FDXR: variants seen among roughly 807,000 people sequenced by gnomAD.
FDXR encodes the protein ferredoxin reductase.
Under a neutral mutation model 58.3 loss-of-function variants are expected in FDXR, and 38 were observed. That is an observed-to-expected ratio of 0.65 (90% CI 0.50 to 0.85). The LOEUF (loss-of-function observed/expected upper bound fraction) is 0.85, where lower values mean the gene tolerates loss of function less well. FDXR is among the 40% of genes least tolerant of loss of function. The pLI, the probability that FDXR is intolerant of heterozygous loss-of-function variation, is 0.00. For synonymous variants in FDXR, 275 were observed against 273.8 expected (o/e 1.00, Z -0.04); for missense variants, 624 against 671.0 (o/e 0.93, Z 0.77).
intron 1 of FDXR, 144 bp downstream of exon 1, chr17:74,872,722 T>G: frequency 6.6e-7 from 1 of 1,510,468 alleles, no homozygotes; most frequent in East Asian, 2.5e-5. Flanking sequence ...CCCACCCCCG[T>G]ACACCACCGG....
In FDXR at chr17:74,864,558, G is replaced by C. The variant is rs757375278; in HGVS notation, c.724C>G (p.Arg242Gly). 1.2e-6 allele frequency: 2 copies of C among 1,613,698 alleles called. No individual in the cohort carries two copies. Among genetic ancestry groups the C allele is most frequent in the Non-Finnish European group, 1.7e-6 (2 of 1,179,732 alleles). ...LQVAFTIKEL[R>G]EMIQLPGARP... Reference sequence around the variant, plus strand: ...GCTCCCGGTAACTGAATCATCTCCCGAAGCTCCTTGAAGGTGGGAGCAGGG... The same window carrying C: ...GCTCCCGGTAACTGAATCATCTCCCCAAGCTCCTTGAAGGTGGGAGCAGGG... The change falls in exon 8 of 12, where the codon CGG becomes GGG. Residue 242 changes from arginine to glycine, a missense_variant. Physicochemically the swap from Arg to Gly is moderately radical, Grantham distance 125 (BLOSUM62 -2). Coordinates refer to ENST00000293195, the MANE Select transcript of FDXR (RefSeq NM_024417.5).
chr17:74,862,882 C>A lies in FDXR; in HGVS notation c.1411G>T (p.Gly471Cys). 6.2e-7 allele frequency: 1 copy of A among 1,613,244 alleles called. No individual in the cohort carries two copies. Among genetic ancestry groups the A allele is most frequent in the African/African-American group, 1.3e-5 (1 of 75,056 alleles). ...AGCTTCTCCCTGGGCTTCCCCGTGC[C>A]CTGGCCCCGGGCCACCTCCTCGGCA... ...LDAEEVARGQGTGKPREKLVD... is the reference protein window; with the variant it reads ...LDAEEVARGQCTGKPREKLVD... Residue 471 changes from glycine (G) to cysteine (C), a missense_variant, in exon 12 of 12, where the codon GGC becomes TGC. Coordinates refer to ENST00000293195, the MANE Select transcript of FDXR (RefSeq NM_024417.5).
Position 74,872,969 on chromosome 17 carries a change from G to C in FDXR, c.-25C>G, listed in dbSNP as rs1411731804. 1.3e-6 allele frequency: 2 copies of C among 1,546,470 alleles called. No individual in the cohort carries two copies. Among genetic ancestry groups the C allele is most frequent in the Non-Finnish European group, 1.7e-6 (2 of 1,145,134 alleles). ...TGGCTGGGAGCAGCAACCTGCAAGT[G>C]GATCTGTTCCTAGCTACTGCTCCGC... On this transcript the variant is annotated 5_prime_UTR_variant, in exon 1 of 12. Coordinates refer to ENST00000293195, the MANE Select transcript of FDXR (RefSeq NM_024417.5).
rs34312916 is a variant in FDXR at position 74,872,408 on chromosome 17, C to T, written c.80-275G>A. 2,267 of 804,826 alleles carry T rather than the reference C, an allele frequency of 2.8e-3. 38 individuals carry two copies. In the African/African-American group the frequency reaches 0.034, roughly 12 times the overall value. 49.9% of individuals were successfully genotyped at this position (804,826 alleles called of 1,614,324 possible). A position where few individuals can be genotyped will look rare whatever the true frequency, so the allele number is the denominator to read the frequency against. ...AACAACACTTCATTCCCTATCCAATCGGCTAGAATCCCACATCCTTCCAAC... is the reference window on the plus strand; with the variant it reads ...AACAACACTTCATTCCCTATCCAATTGGCTAGAATCCCACATCCTTCCAAC... On this transcript the variant is annotated intron_variant, in intron 1 of 11. Transcript: ENST00000293195.
At chr17:74,872,782 T>C in intron 1 of FDXR, 84 bp downstream of exon 1, 1 of 1,537,632 alleles carries the variant, frequency 6.5e-7, no homozygotes. Flanking sequence ...TCTCCAGCCC[T>C]GCCCCAGCTC....
chr17:74,866,701 G>C, intron 3 of FDXR, 83 bp downstream of exon 3: 3 of 1,585,810 alleles, frequency 1.9e-6, no homozygotes, highest in Non-Finnish European at 2.6e-6. Flanking sequence ...ATGAAGTCCT[G>C]TCATCCAGCC....
rs772464423 is a variant in FDXR, at chr17:74,862,847, A to T, written c.1446T>A (p.Pro482=). ...GGCCCAGGAGGCGCAGCATCTCCTG[A>T]GGATCCACCAGCTTCTCCCTGGGCT... ...TGKPREKLVD[P]QEMLRLLGH is the part of the protein sequence containing the mutation. The change falls in exon 12 of 12, where the codon CCT becomes CCA. Residue 482 remains proline, a synonymous_variant. Coordinates refer to ENST00000293195, the MANE Select transcript of FDXR (RefSeq NM_024417.5). 1.2e-6 allele frequency: 2 copies of T among 1,612,658 alleles called. No homozygotes were observed. The highest frequency in any genetic ancestry group is 1.7e-6 in the Non-Finnish European group (2 of 1,179,960).
At position 74,863,056 on chromosome 17, in the gene FDXR, C is replaced by T. The variant is rs755999451; in HGVS notation, c.1345+20G>A. On this transcript the variant is annotated intron_variant, in intron 11 of 11. Coordinates refer to ENST00000293195, the MANE Select transcript of FDXR (RefSeq NM_024417.5). Reference sequence around the variant, plus strand: ...GACCACCCACCCCACCTCCCAGGACCTCAGCATCGGGGCCCAGACCTCGGC... The same window carrying T: ...GACCACCCACCCCACCTCCCAGGACTTCAGCATCGGGGCCCAGACCTCGGC... 4 of 1,608,006 alleles carry T rather than the reference C, an allele frequency of 2.5e-6. No individual in the cohort carries two copies. In the South Asian group the frequency reaches 4.4e-5, roughly 18 times the overall value.
intron 2 of FDXR, among the ~76,000 whole-genome samples, chr17:74,870,965 G>T (rs2144681737): frequency 6.6e-6 from 1 of 152,062 alleles, no homozygotes; most frequent in Middle Eastern, 3.4e-3. Flanking sequence ...ACCACACGTG[G>T]CTGATTTTTC....
chr17:74,866,548 G>A lies in FDXR; in HGVS notation c.291C>T (p.Thr97=), dbSNP rs1033305060. ...CACAGCGGCCAGAATGGGCCGTCTG[G>A]GTAAATGTGTTGATGACATTCTGCC... ...PEVKNVINTF[T]QTAHSGRCAF... Residue 97 remains threonine, a synonymous_variant, in exon 4 of 12, where the codon ACC becomes ACT. Transcript: ENST00000293195. The A allele has an allele frequency of 6.2e-7, 1 of 1,613,588 alleles. No individual in the cohort carries two copies. The highest frequency in any genetic ancestry group is 1.3e-5 in the African/African-American group (1 of 75,052).
chr17:74,872,098 G>T lies in FDXR; in HGVS notation c.115C>A (p.Pro39Thr). The T allele has an allele frequency of 6.2e-7, 1 of 1,607,698 alleles. No individual in the cohort carries two copies. Among genetic ancestry groups the T allele is most frequent in the Non-Finnish European group, 8.5e-7 (1 of 1,176,726 alleles). Residue 39 changes from proline to threonine, a missense_variant, in exon 2 of 12, where the codon CCC becomes ACC. Physicochemically the swap from Pro to Thr is conservative, Grantham distance 38 (BLOSUM62 -1). Coordinates refer to ENST00000293195, the MANE Select transcript of FDXR (RefSeq NM_024417.5). The stretch of plus-strand genomic sequence containing the variant: ...CCACTGCCCACCACACAGATCTGGG[G>T]GGTCTTCTCCTGTGTGGAGAAATGG... Reference protein sequence around the residue: ...CHHFSTQEKTPQICVVGSGPA... With the variant: ...CHHFSTQEKTTQICVVGSGPA...
rs149831556 is a variant in FDXR, at chr17:74,866,114, G to A, written c.507+17C>T. 2.9e-3 allele frequency: 4,606 copies of A among 1,571,064 alleles called. 51 individuals carry two copies. Among genetic ancestry groups the A allele is most frequent in the South Asian group, 0.02 (1,802 of 89,904 alleles). On this transcript the variant is annotated intron_variant, in intron 5 of 11. Coordinates refer to ENST00000293195, the MANE Select transcript of FDXR (RefSeq NM_024417.5). ...GGGCGGGGAGGAAGAGGCAGCGGGC[G>A]TGCTCCCCATACTCACCTCCTGGTT...
chr17:74,865,736 G>T lies in FDXR; in HGVS notation c.592C>A (p.Pro198Thr). 1 of 1,611,790 alleles carries T rather than the reference G, an allele frequency of 6.2e-7. No individual in the cohort carries two copies. ...CCACTCACCTCCAGGTGCTCAGGTGGGGTCAGTAGGATGCGGGCCACGTCC... is the reference window on the plus strand; with the variant it reads ...CCACTCACCTCCAGGTGCTCAGGTGTGGTCAGTAGGATGCGGGCCACGTCC... Reference protein sequence around the residue: ...ALDVARILLTPPEHLERTDIT... With the variant: ...ALDVARILLTTPEHLERTDIT... Residue 198 changes from proline to threonine, a missense_variant, in exon 6 of 12, where the codon CCA (proline) becomes ACA (threonine). Physicochemically the swap from Pro to Thr is conservative, Grantham distance 38. Transcript: ENST00000293195.
chr17:74,872,293 T>A, intron 1 of FDXR, 160 bp from the exon 2 acceptor site: 4 of 1,535,934 alleles, frequency 2.6e-6, no homozygotes, highest in Non-Finnish European at 3.5e-6. Flanking sequence ...GCAGGGTCTC[T>A]TACTTCATCT....
In FDXR at chr17:74,870,516, C is replaced by CAAAA. The variant is rs1168237892; in HGVS notation, c.177+1516_177+1519dup. On this transcript the variant is annotated intron_variant, in intron 2 of 11. Transcript: ENST00000293195. ...TGGGCGACAGAGCCAGACTCCATCTCAAAAAAAAAAAAAAAAAAAAAAGAA... is the reference window on the plus strand; with the variant it reads ...TGGGCGACAGAGCCAGACTCCATCTCAAAAAAAAAAAAAAAAAAAAAAAAAAGAA... 2.7e-3 allele frequency among the ~76,000 whole-genome samples: 150 copies of CAAAA among 54,834 alleles called. 6 individuals carry two copies. Among genetic ancestry groups the CAAAA allele is most frequent in the African/African-American group, 6.9e-3 (81 of 11,756 alleles). 36.0% of individuals were successfully genotyped at this position (54,834 alleles called of 152,430 possible). A position where few individuals can be genotyped will look rare whatever the true frequency, so the allele number is the denominator to read the frequency against.
At chr17:74,871,622 G>A (rs1165893091) in intron 2 of FDXR, among the ~76,000 whole-genome samples, 3 of 152,168 alleles carry the variant, frequency 2.0e-5, no homozygotes, top group Non-Finnish European at 4.4e-5. Context: ...GGGTGAGGAG[G>A]GCATGGCAAG....
At chr17:74,867,644 G>A (rs2038237951) in intron 2 of FDXR, among the ~76,000 whole-genome samples, 1 of 152,142 alleles carries the variant, frequency 6.6e-6, no homozygotes, top group Non-Finnish European at 1.5e-5. Flanking sequence ...GTGGAAATGG[G>A]CCTGCTCCCA....
chr17:74,864,655 G>A (rs2038104969), intron 7 of FDXR, 91 bp from the exon 8 acceptor site: 3 of 1,419,734 alleles, frequency 2.1e-6, no homozygotes, highest in Admixed American at 1.9e-5. Flanking sequence ...AGGCAGGAGA[G>A]ACCACCACCC....
intron 2 of FDXR, chr17:74,870,120 C>T (rs2038322128): frequency 2.7e-6 from 1 of 370,038 alleles, no homozygotes; most frequent in South Asian, 1.9e-5. Context: ...CAAAGATCAG[C>T]CCAAGGATCA....
Sources: gnomAD v4.1 joint callset for allele counts (sites outside exome capture counted in the v4.1 genomes callset) on GRCh38, gnomAD v4.1.1 for gene constraint, MANE v1.5 for transcripts, NCBI Gene and HGNC (gene_info 2026-07-23, HGNC 2026-07-21) for gene names.